MIIP: variants seen among roughly 807,000 people sequenced by gnomAD.
MIIP encodes the protein migration and invasion inhibitory protein, also known as migration and invasion-inhibitory protein.
A neutral mutation model predicts 44.8 loss-of-function variants in MIIP; 44 were observed. That is an observed-to-expected ratio of 0.98 (90% confidence interval 0.77 to 1.26). MIIP has a LOEUF of 1.26. MIIP is among the 50% of genes most tolerant of loss of function. The pLI, the probability that MIIP is intolerant of heterozygous loss-of-function variation, is 0.00. For synonymous variants in MIIP, 225 were observed against 218.3 expected (o/e 1.03, Z -0.27); for missense variants, 496 against 511.7 (o/e 0.97, Z 0.30).
chr1:12,029,167 C>T (rs778378615), intron 5 of MIIP, 26 bp downstream of exon 5: 13 of 1,612,510 alleles, frequency 8.1e-6, no homozygotes, highest in South Asian at 4.4e-5. Context: ...CGAGGGTGGG[C>T]GAGGGCGGCT....
At chr1:12,030,156 A>T in intron 8 of MIIP, 32 bp downstream of exon 8, 1 of 1,602,034 alleles carries the variant, frequency 6.2e-7, no homozygotes, top group South Asian at 1.1e-5. Flanking sequence ...GATGGTGATG[A>T]GGGCGGGGCT....
intron 1 of MIIP, among the ~76,000 whole-genome samples, chr1:12,019,919 C>T (rs1193442156): frequency 6.6e-6 from 1 of 152,224 alleles, no homozygotes; most frequent in Admixed American, 6.5e-5. Context: ...CTTTGTCCTG[C>T]GGATCAAACA....
chr1:12,022,997 A>C, intron 4 of MIIP, 80 bp downstream of exon 4: 1 of 1,115,832 alleles, frequency 9.0e-7, no homozygotes, highest in Non-Finnish European at 1.3e-6. Context: ...CTCCTGTCTG[A>C]GCCTCCACCC....
intron 4 of MIIP, chr1:12,028,605 C>A (rs118055893): frequency 5.8e-6 from 1 of 173,158 alleles, no homozygotes; most frequent in Non-Finnish European, 1.3e-5. Context: ...TATGGCTGCC[C>A]GGCCATACTA....
At chr1:12,028,381 A>C (rs1640147551) in intron 4 of MIIP, among the ~76,000 whole-genome samples, 1 of 151,348 alleles carries the variant, frequency 6.6e-6, no homozygotes, top group South Asian at 2.1e-4. Flanking sequence ...CATTCCCCAG[A>C]CCCTCCCTGG....
At position 12,031,405 on chromosome 1, in the gene MIIP, T is replaced by C. The variant is rs1234353402; in HGVS notation, c.1080+2T>C. The C allele has an allele frequency of 6.2e-7, 1 of 1,613,140 alleles. No individual in the cohort carries two copies. Among genetic ancestry groups the C allele is most frequent in the Non-Finnish European group, 8.5e-7 (1 of 1,179,606 alleles). ...GGCACCAGCAGCCCTTTTCACCCGG[T>C]ACGGTCCAGATCGCATCCTAGCCTG... On this transcript the variant is annotated splice_donor_variant, in intron 9 of 9. Transcript: ENST00000235332. LOFTEE classifies it high-confidence loss of function.
At chr1:12,025,395 T>C (rs2878737) in intron 4 of MIIP, among the ~76,000 whole-genome samples, 104,062 of 151,990 alleles carry the variant, frequency 0.68, 36,104 homozygotes, top group Non-Finnish European at 0.72. Context: ...AGTGACATTC[T>C]GTTGTGTGTA....
At chr1:12,020,933 G>A (rs989593832) in intron 1 of MIIP, among the ~76,000 whole-genome samples, 8 of 152,116 alleles carry the variant, frequency 5.3e-5, no homozygotes, top group African/African-American at 1.9e-4. Flanking sequence ...TGATCCTCCT[G>A]CCTCAGCCTC....
intron 6 of MIIP, chr1:12,029,520 C>T (rs752469640): frequency 3.5e-5 from 24 of 685,244 alleles, no homozygotes; most frequent in Non-Finnish European, 5.6e-5. Flanking sequence ...CCACCCTCCC[C>T]AGCAGTGCCC....
chr1:12,031,951 T>A lies in MIIP; in HGVS notation c.*143T>A. ...GGGCAGGTGGGTGGACCCAAGCTTG[T>A]CTGCTGCCTGAGTTCCAGAGAGGGA... On this transcript the variant is annotated 3_prime_UTR_variant, in exon 10 of 10. Transcript: ENST00000235332. 2 of 751,180 alleles carry A rather than the reference T, an allele frequency of 2.7e-6. No individual in the cohort carries two copies. The highest frequency in any genetic ancestry group is 3.6e-5 in the South Asian group (2 of 55,660). The allele number at this position is 751,180 out of a possible 1,614,324, so 46.5% of individuals were successfully genotyped here.
intron 1 of MIIP, among the ~76,000 whole-genome samples, chr1:12,020,670 C>T (rs1405219817): frequency 6.6e-6 from 1 of 152,012 alleles, no homozygotes; most frequent in Non-Finnish European, 1.5e-5. Context: ...ACCACCACAC[C>T]CGGCTAATTG....
Position 12,022,132 on chromosome 1 carries a change from C to T in MIIP, c.152C>T (p.Thr51Ile), listed in dbSNP as rs750523902. The change falls in exon 3 of 10, where the codon ACT becomes ATT. Residue 51 changes from threonine to isoleucine, a missense_variant. Thr to Ile is a moderately conservative substitution (Grantham distance 89, BLOSUM62 -1). Transcript: ENST00000235332. ...LESSSSYNSE[T>I]PSTPETSSTS... ...TCCAGCAGCAGCTACAACTCAGAGA[C>T]TCCATCGACCCCAGAGACGTCCTCA... The T allele has an allele frequency of 3.7e-6, 6 of 1,613,976 alleles. No individual in the cohort carries two copies. In the East Asian group the frequency reaches 1.3e-4, roughly 36 times the overall value.
chr1:12,023,676 C>CTT (rs771688884), intron 4 of MIIP, among the ~76,000 whole-genome samples: 6 of 137,434 alleles, frequency 4.4e-5, no homozygotes, highest in South Asian at 2.4e-4. Flanking sequence ...CCATGCCCGG[C>CTT]TTTTTTTTTT....
At chr1:12,023,044 C>T (rs1469457638) in intron 4 of MIIP, 127 bp downstream of exon 4, 11 of 617,762 alleles carry the variant, frequency 1.8e-5, no homozygotes, top group South Asian at 4.3e-5. Flanking sequence ...TGCCATCCTC[C>T]GTGGGGAGCA....
rs1448906291 is a variant in MIIP at position 12,022,912 on chromosome 1, T to C, written c.542T>C (p.Ile181Thr). 3.7e-6 allele frequency: 6 copies of C among 1,609,494 alleles called. No individual in the cohort carries two copies. In the East Asian group the frequency reaches 1.3e-4, roughly 36 times the overall value. ...AGGCCATACCTGGGCTATGACTGGA[T>C]TGCAGGTAAGGCGTGCTGTTGCCCT... is the stretch of plus-strand genomic sequence containing the variant. ...RLRPYLGYDW[I>T]AGSLDTSSSI... The change falls in exon 4 of 10, where the codon ATT becomes ACT. Residue 181 changes from isoleucine (I) to threonine (T), a missense_variant. Transcript: ENST00000235332.
intron 4 of MIIP, among the ~76,000 whole-genome samples, chr1:12,026,882 C>T (rs1035816179): frequency 6.6e-6 from 1 of 152,182 alleles, no homozygotes; most frequent in African/African-American, 2.4e-5. Flanking sequence ...TGCCACATTC[C>T]TACCTTTAGC....
chr1:12,031,489 G>C, intron 9 of MIIP, 86 bp downstream of exon 9: 30 of 1,566,022 alleles, frequency 1.9e-5, no homozygotes, highest in Non-Finnish European at 2.5e-5. Flanking sequence ...AGAGCCTCCT[G>C]GGGGGTAGGA....
At chr1:12,029,627 G>C (rs1640184918) in intron 6 of MIIP, 138 bp from the exon 7 acceptor site, 1 of 1,230,100 alleles carries the variant, frequency 8.1e-7, no homozygotes, top group Non-Finnish European at 1.1e-6. Flanking sequence ...GGAGGAAAGG[G>C]GTTAGGAGGA....
chr1:12,025,147 C>T lies in MIIP; in HGVS notation c.547+2230C>T, dbSNP rs144824550. Among the ~76,000 whole-genome samples the T allele has an allele frequency of 1.3e-4, 20 of 149,256 alleles. No individual in the cohort carries two copies. In the East Asian group the frequency reaches 1.8e-3, roughly 13 times the overall value. On this transcript the variant is annotated intron_variant, in intron 4 of 9. Transcript: ENST00000235332. ...TGATCTCGGCTCACTGCAACCTTCACCTCCCGGGTTCGAGTGGTTCTTGTG... is the reference window on the plus strand; with the variant it reads ...TGATCTCGGCTCACTGCAACCTTCATCTCCCGGGTTCGAGTGGTTCTTGTG...
Sources: gnomAD v4.1 joint callset for allele counts (sites outside exome capture counted in the v4.1 genomes callset) on GRCh38, gnomAD v4.1.1 for gene constraint, MANE v1.5 for transcripts, NCBI Gene and HGNC (gene_info 2026-07-23, HGNC 2026-07-21) for gene names.